TNIP1: variants seen among roughly 807,000 people sequenced by gnomAD.
TNIP1 encodes TNFAIP3 interacting protein 1, also known as TNFAIP3-interacting protein 1.
In TNIP1, 22 loss-of-function variants were observed where a neutral mutation model predicts 86.6. The ratio of observed to expected loss-of-function variants is 0.25; its 90% CI spans 0.18 to 0.36. The LOEUF (loss-of-function observed/expected upper bound fraction) is 0.36, where lower values mean the gene tolerates loss of function less well. Ranked by LOEUF, TNIP1 falls within the 10% of genes least tolerant of loss-of-function variation. The pLI is 1.00. For missense variants in TNIP1, 709 were observed against 820.6 expected (o/e 0.86, Z 1.66); for synonymous variants, 294 against 313.0 (o/e 0.94, Z 0.64).
chr5:151,073,582 T>TTGTG (rs377380185), intron 1 of TNIP1, among the ~76,000 whole-genome samples: 3 of 150,200 alleles, frequency 2.0e-5, no homozygotes, highest in Non-Finnish European at 3.0e-5. Flanking sequence ...CAAAAACACA[T>TTGTG]TGTGTGTGTG....
chr5:151,044,680 A>G (rs1758902858), intron 9 of TNIP1, among the ~76,000 whole-genome samples: 1 of 152,178 alleles, frequency 6.6e-6, no homozygotes, highest in Non-Finnish European at 1.5e-5. Flanking sequence ...CTGTGTGGAG[A>G]GGGGCTAGAC....
chr5:151,062,683 C>A (rs562433616), intron 3 of TNIP1, among the ~76,000 whole-genome samples: 2 of 152,310 alleles, frequency 1.3e-5, no homozygotes, highest in Admixed American at 1.3e-4. Context: ...TGACTTCCTG[C>A]AGTCCTTGCT....
chr5:151,056,929 C>A lies in TNIP1; in HGVS notation c.464G>T (p.Gly155Val). ...GCGCTGCAGGTGCAGCATCAGGTTG[C>A]CGTCCTCACGGGGCAGGGGGCCCAG... ...MALGPLPRED[G>V]NLMLHLQRLE... Residue 155 changes from glycine to valine, a missense_variant, in exon 6 of 18, where the codon GGC (glycine) becomes GTC (valine). Physicochemically the swap from Gly to Val is moderately radical, Grantham distance 109 (BLOSUM62 -3). Coordinates refer to ENST00000521591, the MANE Select transcript of TNIP1 (RefSeq NM_006058.5). 1 of 1,570,504 alleles carries A rather than the reference C, an allele frequency of 6.4e-7. No individual in the cohort carries two copies. The highest frequency in any genetic ancestry group is 8.6e-7 in the Non-Finnish European group (1 of 1,157,954).
At chr5:151,034,296 T>A (rs975661037) in intron 15 of TNIP1, among the ~76,000 whole-genome samples, 3 of 141,350 alleles carry the variant, frequency 2.1e-5, no homozygotes, top group Admixed American at 1.4e-4. Flanking sequence ...CAGTGAAGGC[T>A]GGTACATGGG....
chr5:151,030,424 G>A lies in TNIP1; in HGVS notation c.*289C>T. Reference sequence around the variant, plus strand: ...AGGATTGCTGCTCCTGGAGGCTTCTGCAACGGATGGTGGGTCAAAGCCGGA... The same window carrying A: ...AGGATTGCTGCTCCTGGAGGCTTCTACAACGGATGGTGGGTCAAAGCCGGA... On this transcript the variant is annotated 3_prime_UTR_variant, in exon 18 of 18. Transcript: ENST00000521591. The A allele has an allele frequency of 1.9e-6, 1 of 536,400 alleles. No homozygotes were observed. The highest frequency in any genetic ancestry group is 3.4e-6 in the Non-Finnish European group (1 of 297,208). The allele number at this position is 536,400 out of a possible 1,614,324, so 33.2% of individuals were successfully genotyped here.
Position 151,036,870 on chromosome 5 carries a change from C to T in TNIP1, c.1315G>A (p.Ala439Thr), listed in dbSNP as rs1314310802. ...CCTGCTCCTTCTGGGCTCCCAAATG[C>T]TGTTGGTGGAGATGATGGCGGGGTT... Reference protein sequence around the residue: ...IQTPPSSPPTAFGSPEGAGAL... With the variant: ...IQTPPSSPPTTFGSPEGAGAL... The change falls in exon 13 of 18, where the codon GCA becomes ACA. Residue 439 changes from alanine to threonine, a missense_variant. By Grantham distance (58) the Ala-to-Thr change is moderately conservative. Transcript: ENST00000521591. 6.2e-7 allele frequency: 1 copy of T among 1,613,088 alleles called. No individual in the cohort carries two copies. The highest frequency in any genetic ancestry group is 1.3e-5 in the African/African-American group (1 of 74,848).
intron 12 of TNIP1, among the ~76,000 whole-genome samples, chr5:151,038,260 G>A (rs1288131082): frequency 1.3e-5 from 2 of 152,210 alleles, no homozygotes; most frequent in African/African-American, 4.8e-5. Context: ...ACTGTCACCA[G>A]GGTCAGGAGG....
At chr5:151,042,119 T>G (rs1004087482) in intron 11 of TNIP1, among the ~76,000 whole-genome samples, 1 of 151,942 alleles carries the variant, frequency 6.6e-6, no homozygotes, top group African/African-American at 2.4e-5. Flanking sequence ...TTTTGTATTT[T>G]TAGTAGAGAT....
chr5:151,038,184 A>G (rs1757957000), intron 12 of TNIP1, among the ~76,000 whole-genome samples: 1 of 152,206 alleles, frequency 6.6e-6, no homozygotes, highest in Admixed American at 6.5e-5. Flanking sequence ...TGTTTACAAA[A>G]CACCAAAACC....
intron 8 of TNIP1, among the ~76,000 whole-genome samples, chr5:151,048,088 C>G (rs1759414143): frequency 6.6e-6 from 1 of 152,186 alleles, no homozygotes; most frequent in Non-Finnish European, 1.5e-5. Flanking sequence ...GAAGGTCACC[C>G]CCTTTGAGAA....
chr5:151,041,115 A>G (rs1447998302), intron 11 of TNIP1, among the ~76,000 whole-genome samples: 4 of 150,974 alleles, frequency 2.6e-5, no homozygotes, highest in African/African-American at 9.8e-5. Context: ...CTGTTGCCCA[A>G]GCTGGAGTGT....
intron 1 of TNIP1, among the ~76,000 whole-genome samples, chr5:151,067,674 AGTCCATCCTGTGT>A (rs555317090): frequency 1.2e-3 from 187 of 152,302 alleles, no homozygotes; most frequent in African/African-American, 4.3e-3. Context: ...ACAGGGAGCA[AGTCCATCCTGTGT>A]GCCAGGGTAT....
At chr5:151,059,828 A>AGAGTGTGTGTGTGTGT (rs1554076446) in intron 5 of TNIP1, among the ~76,000 whole-genome samples, 1 of 56,398 alleles carries the variant, frequency 1.8e-5, no homozygotes, top group Non-Finnish European at 3.2e-5. Flanking sequence ...AGAGAGAGAG[A>AGAGTGTGTGTGTGTGT]GTGTGTGTGT....
chr5:151,041,526 C>T (rs1006630364), intron 11 of TNIP1, among the ~76,000 whole-genome samples: 11 of 152,170 alleles, frequency 7.2e-5, no homozygotes, highest in Middle Eastern at 3.2e-3. Flanking sequence ...CACTGCCACA[C>T]CCAGTGAATT....
intron 1 of TNIP1, among the ~76,000 whole-genome samples, chr5:151,079,097 A>G (rs557131686): frequency 1.1e-4 from 16 of 152,344 alleles, no homozygotes; most frequent in African/African-American, 3.8e-4. Flanking sequence ...ACGTGGTTAC[A>G]TAAGCGTGTA....
chr5:151,034,231 G>A (rs1447941113), intron 15 of TNIP1, among the ~76,000 whole-genome samples: 2 of 150,700 alleles, frequency 1.3e-5, no homozygotes, highest in Non-Finnish European at 3.0e-5. Flanking sequence ...GACACGGAAG[G>A]CTGGTACATG....
intron 1 of TNIP1, among the ~76,000 whole-genome samples, chr5:151,073,130 G>C (rs1762996536): frequency 6.6e-6 from 1 of 151,632 alleles, no homozygotes; most frequent in Non-Finnish European, 1.5e-5. Context: ...GCTGAGGTAG[G>C]AGAATCGCTT....
chr5:151,063,792 A>T, intron 2 of TNIP1, 45 bp from the exon 3 acceptor site: 1 of 1,598,264 alleles, frequency 6.3e-7, no homozygotes, highest in Non-Finnish European at 8.6e-7. Context: ...TACTCGGCTC[A>T]GTGTGCTGCT....
At chr5:151,040,768 G>T (rs543151869) in intron 11 of TNIP1, among the ~76,000 whole-genome samples, 1 of 152,096 alleles carries the variant, frequency 6.6e-6, no homozygotes, top group Non-Finnish European at 1.5e-5. Flanking sequence ...CCATGCTGAC[G>T]GGAGGAACTG....
Sources: gnomAD v4.1 joint callset for allele counts (sites outside exome capture counted in the v4.1 genomes callset) on GRCh38, gnomAD v4.1.1 for gene constraint, MANE v1.5 for transcripts, NCBI Gene and HGNC (gene_info 2026-07-23, HGNC 2026-07-21) for gene names.